Variants in RNPEP observed in about 807,000 individuals in gnomAD.
The protein encoded by RNPEP is arginyl aminopeptidase, also known as aminopeptidase B.
RNPEP carries 57 observed loss-of-function variants against 70.1 expected under a neutral mutation model. The observed-to-expected ratio is 0.81, with a 90% confidence interval of 0.66 to 1.01. RNPEP has a LOEUF of 1.01. Ranked by LOEUF, RNPEP falls within the 50% of genes least tolerant of loss-of-function variation. The probability of loss-of-function intolerance (pLI) is 0.00; values close to 1 mark genes in which losing one functional copy is unlikely to be tolerated. For missense variants in RNPEP, 787 were observed against 852.4 expected (o/e 0.92, Z 0.96); for synonymous variants, 335 against 357.4 (o/e 0.94, Z 0.71).
At chr1:201,994,133 C>T (rs1277418557) in intron 3 of RNPEP, among the ~76,000 whole-genome samples, 1 of 152,132 alleles carries the variant, frequency 6.6e-6, no homozygotes. Context: ...CTGGTTAGTC[C>T]TTTTCTCATC....
At chr1:202,000,193 G>A in intron 6 of RNPEP, 178 bp downstream of exon 6, 1 of 548,854 alleles carries the variant, frequency 1.8e-6, no homozygotes, top group Non-Finnish European at 3.2e-6. Context: ...CCAAGCCATT[G>A]CAGCCAGATA....
chr1:201,997,766 G>GTTTTTTT (rs10625357), intron 5 of RNPEP, among the ~76,000 whole-genome samples: 1 of 139,174 alleles, frequency 7.2e-6, no homozygotes, highest in Admixed American at 7.3e-5. Context: ...CAGGTCATTA[G>GTTTTTTT]TTTTTTTTTT....
At chr1:201,989,586 A>T in intron 3 of RNPEP, 55 bp downstream of exon 3, 1 of 1,595,620 alleles carries the variant, frequency 6.3e-7, no homozygotes, top group African/African-American at 1.3e-5. Flanking sequence ...GGTGAGGAGG[A>T]CTCTGACCAG....
At position 201,983,019 on chromosome 1, in the gene RNPEP, A is replaced by C; in HGVS notation, c.353A>C (p.Tyr118Ser). Reference sequence around the variant, plus strand: ...TTCTACACGCAGCCCTTCTCGCACTATGGCCAGGCCCTGTGCGTGTCCTTC... The same window carrying C: ...TTCTACACGCAGCCCTTCTCGCACTCTGGCCAGGCCCTGTGCGTGTCCTTC... ...VSFYTQPFSHYGQALCVSFPQ... is the reference protein window; with the variant it reads ...VSFYTQPFSHSGQALCVSFPQ... Residue 118 changes from tyrosine to serine, a missense_variant, in exon 1 of 11, where the codon TAT (tyrosine) becomes TCT (serine). Coordinates refer to ENST00000295640, the MANE Select transcript of RNPEP (RefSeq NM_020216.4). 1 of 1,524,280 alleles carries C rather than the reference A, an allele frequency of 6.6e-7. No homozygotes were observed. Among genetic ancestry groups the C allele is most frequent in the Non-Finnish European group, 8.8e-7 (1 of 1,137,890 alleles). 94.4% of individuals were successfully genotyped at this position (1,524,280 alleles called of 1,614,324 possible).
chr1:201,983,748 T>G (rs1683026831), intron 1 of RNPEP: 2 of 1,115,070 alleles, frequency 1.8e-6, no homozygotes, highest in African/African-American at 3.3e-5. Flanking sequence ...TTCTCACTGT[T>G]GGTTAACTCT....
intron 3 of RNPEP, among the ~76,000 whole-genome samples, chr1:201,994,987 TTCA>T (rs1284208289): frequency 6.6e-6 from 1 of 152,070 alleles, no homozygotes; most frequent in Non-Finnish European, 1.5e-5. Context: ...GCCAGTCTCA[TTCA>T]TATGTCTGTG....
At position 201,989,584 on chromosome 1, in the gene RNPEP, G is replaced by A; in HGVS notation, c.737+53G>A. The stretch of plus-strand genomic sequence containing the variant: ...GTTGGATTGGCCTCAGAGGTGAGGA[G>A]GACTCTGACCAGTGGACCTGCTGGG... On this transcript the variant is annotated intron_variant, in intron 3 of 10. Coordinates refer to ENST00000295640, the MANE Select transcript of RNPEP (RefSeq NM_020216.4). 3.1e-6 allele frequency: 5 copies of A among 1,600,546 alleles called. No homozygotes were observed. The South Asian group carries it at 4.4e-5, about 14-fold the overall frequency.
rs200795347 is a variant in RNPEP, at chr1:201,984,821, C to CTTTTTTTTTTTTTT, written c.447+1731_447+1744dup. 9.8e-5 allele frequency among the ~76,000 whole-genome samples: 12 copies of CTTTTTTTTTTTTTT among 122,044 alleles called. 2 individuals carry two copies. The highest frequency in any genetic ancestry group is 4.8e-4 in the East Asian group (2 of 4,190). 80.1% of individuals were successfully genotyped at this position (122,044 alleles called of 152,430 possible). On this transcript the variant is annotated intron_variant, in intron 1 of 10. Coordinates refer to ENST00000295640, the MANE Select transcript of RNPEP (RefSeq NM_020216.4). Reference sequence around the variant, plus strand: ...TTACTGCTAACTTTTGTATTTCTTTCTTTTTTTTTTTTTTTTTTTTTTTTT... The same window carrying CTTTTTTTTTTTTTT: ...TTACTGCTAACTTTTGTATTTCTTTCTTTTTTTTTTTTTTTTTTTTTTTTTTTTTTTTTTTTTTT...
chr1:202,001,427 G>C lies in RNPEP; in HGVS notation c.1256G>C (p.Cys419Ser), dbSNP rs750246340. Residue 419 changes from cysteine (C) to serine (S), a missense_variant, in exon 7 of 11, where the codon TGC (cysteine) becomes TCC (serine). Transcript: ENST00000295640. The stretch of plus-strand genomic sequence containing the variant: ...GAGACCCCCTACGAGAAAGGTTTCT[G>C]CTTTGTTTCATACCTGGCCCACTTG... Reference protein sequence around the residue: ...YNETPYEKGFCFVSYLAHLVG... With the variant: ...YNETPYEKGFSFVSYLAHLVG... 90 of 1,613,876 alleles carry C rather than the reference G, an allele frequency of 5.6e-5. No individual in the cohort carries two copies. Among genetic ancestry groups the C allele is most frequent in the Non-Finnish European group, 7.6e-5 (90 of 1,179,866 alleles).
Position 201,982,709 on chromosome 1 carries a change from C to T in RNPEP, c.43C>T (p.Arg15Trp), listed in dbSNP as rs549167825. The T allele has an allele frequency of 9.4e-5, 131 of 1,399,150 alleles. 2 individuals carry two copies. In the South Asian group the frequency reaches 2.0e-3, roughly 21 times the overall value. 86.7% of individuals were successfully genotyped at this position (1,399,150 alleles called of 1,614,324 possible). A position where few individuals can be genotyped will look rare whatever the true frequency, so the allele number is the denominator to read the frequency against. The change falls in exon 1 of 11, where the codon CGG becomes TGG. Residue 15 changes from arginine (R) to tryptophan (W), a missense_variant. Transcript: ENST00000295640. Reference protein sequence around the residue: ...EHSPGSGAARRPLHSAQAVDV... With the variant: ...EHSPGSGAARWPLHSAQAVDV... Reference sequence around the variant, plus strand: ...TTCCCCCGGCAGCGGCGCGGCCCGGCGGCCGCTGCACTCCGCGCAGGCTGT... The same window carrying T: ...TTCCCCCGGCAGCGGCGCGGCCCGGTGGCCGCTGCACTCCGCGCAGGCTGT...
chr1:201,998,290 C>T (rs764357030), intron 5 of RNPEP, among the ~76,000 whole-genome samples: 26 of 137,532 alleles, frequency 1.9e-4, no homozygotes, highest in South Asian at 1.4e-3. Context: ...TGGAGTGCAG[C>T]GTTGCAATCT....
chr1:201,995,484 A>G (rs572989863), intron 3 of RNPEP, among the ~76,000 whole-genome samples: 1 of 150,412 alleles, frequency 6.6e-6, no homozygotes, highest in Non-Finnish European at 1.5e-5. Context: ...GGAGTTCAAG[A>G]CCAGCCAGGG....
intron 1 of RNPEP, chr1:201,983,581 C>G: frequency 7.7e-7 from 1 of 1,301,032 alleles, no homozygotes; most frequent in Non-Finnish European, 1.0e-6. Flanking sequence ...AGATGTTGAT[C>G]TAGCTCTTTG....
intron 3 of RNPEP, among the ~76,000 whole-genome samples, chr1:201,992,720 C>T (rs559964988): frequency 2.0e-5 from 3 of 152,148 alleles, no homozygotes; most frequent in Non-Finnish European, 2.9e-5. Flanking sequence ...ATGTCCCAGT[C>T]CCTTGTTATA....
intron 1 of RNPEP, among the ~76,000 whole-genome samples, chr1:201,986,247 T>A (rs929623772): frequency 6.4e-5 from 2 of 31,212 alleles, no homozygotes; most frequent in African/African-American, 1.7e-4. Flanking sequence ...CAGTTTTTTG[T>A]TTTTTATTTT....
chr1:201,996,813 T>G (rs1683572538), intron 4 of RNPEP, among the ~76,000 whole-genome samples: 1 of 151,420 alleles, frequency 6.6e-6, no homozygotes. Flanking sequence ...CTTGAGGTGT[T>G]CAAAATGTGA....
chr1:201,989,320 A>G, intron 2 of RNPEP, 63 bp from the exon 3 acceptor site: 1 of 1,581,128 alleles, frequency 6.3e-7, no homozygotes, highest in Non-Finnish European at 8.6e-7. Context: ...TCATGCTCTT[A>G]TTCAAACTAA....
At chr1:201,994,265 A>G (rs1683460213) in intron 3 of RNPEP, among the ~76,000 whole-genome samples, 2 of 152,140 alleles carry the variant, frequency 1.3e-5, no homozygotes, top group South Asian at 2.1e-4. Flanking sequence ...GTAGTTTAAC[A>G]TATTTTCTGT....
intron 8 of RNPEP, among the ~76,000 whole-genome samples, chr1:202,002,798 C>T (rs1683881354): frequency 6.6e-6 from 1 of 152,152 alleles, no homozygotes; most frequent in Non-Finnish European, 1.5e-5. Flanking sequence ...GGAGGCAGGG[C>T]CTATCACCCC....
Sources: gnomAD v4.1 joint callset for allele counts (sites outside exome capture counted in the v4.1 genomes callset) on GRCh38, gnomAD v4.1.1 for gene constraint, MANE v1.5 for transcripts, NCBI Gene and HGNC (gene_info 2026-07-23, HGNC 2026-07-21) for gene names.